Variants in TLE1 observed in about 807,000 individuals in gnomAD.
The protein encoded by TLE1 is transducin-like enhancer protein 1.
A neutral mutation model predicts 89.8 loss-of-function variants in TLE1; 21 were observed. That is an observed-to-expected ratio of 0.23 (90% CI 0.17 to 0.34). The LOEUF (loss-of-function observed/expected upper bound fraction) is 0.34. Ranked by LOEUF, TLE1 falls within the 10% of genes least tolerant of loss-of-function variation. TLE1 has a pLI of 1.00. For missense variants in TLE1, 795 were observed against 1,031.2 expected (o/e 0.77, Z 3.14); for synonymous variants, 447 against 407.6 (o/e 1.10, Z -1.16).
chr9:81,585,250 C>A (rs1828231105), intron 18 of TLE1, among the ~76,000 whole-genome samples: 1 of 152,148 alleles, frequency 6.6e-6, no homozygotes, highest in Admixed American at 6.5e-5. Context: ...TTGTCGTCTC[C>A]CAACCCCTCC....
rs1174638358 is a variant in TLE1 at position 81,666,036 on chromosome 9, C to T, written c.235-12000G>A. Among the ~76,000 whole-genome samples the T allele has an allele frequency of 2.6e-5, 4 of 152,256 alleles. No individual in the cohort carries two copies. The East Asian group carries it at 7.7e-4, about 29-fold the overall frequency. ...TTAATTTGTCATTTTGGTAAAGATG[C>T]ATCTTTGACAAAAGCATCACAGCTG... On this transcript the variant is annotated intron_variant, in intron 4 of 19. Coordinates refer to ENST00000376499, the MANE Select transcript of TLE1 (RefSeq NM_005077.5).
At chr9:81,615,666 C>T (rs1290282572) in intron 11 of TLE1, among the ~76,000 whole-genome samples, 4 of 146,470 alleles carry the variant, frequency 2.7e-5, no homozygotes, top group African/African-American at 1.0e-4. Context: ...TGAGCTGAGA[C>T]TGCACCACTG....
chr9:81,623,969 G>T (rs1312650282), intron 8 of TLE1, among the ~76,000 whole-genome samples: 1 of 152,040 alleles, frequency 6.6e-6, no homozygotes, highest in Non-Finnish European at 1.5e-5. Context: ...AGACAGAGGT[G>T]ATTTGCCTGA....
intron 5 of TLE1, among the ~76,000 whole-genome samples, chr9:81,653,715 A>G (rs542586409): frequency 2.0e-5 from 3 of 152,326 alleles, no homozygotes; most frequent in South Asian, 2.1e-4. Context: ...TGCTACTTAA[A>G]GCAAAAGCTG....
At position 81,687,895 on chromosome 9, in the gene TLE1, G is replaced by A. The variant is rs114809856; in HGVS notation, c.24+322C>T. ...GCATTGACATGTAAATAGGCGAGAGGAGAAACAAAGGGGGGGGCGCCCTGC... is the reference window on the plus strand; with the variant it reads ...GCATTGACATGTAAATAGGCGAGAGAAGAAACAAAGGGGGGGGCGCCCTGC... On this transcript the variant is annotated intron_variant, in intron 1 of 19. Coordinates refer to ENST00000376499, the MANE Select transcript of TLE1 (RefSeq NM_005077.5). 6.3e-3 allele frequency among the ~76,000 whole-genome samples: 962 copies of A among 152,214 alleles called. 10 individuals carry two copies. Among genetic ancestry groups the A allele is most frequent in the African/African-American group, 0.021 (893 of 41,566 alleles).
chr9:81,645,755 A>G (rs1828781134), intron 6 of TLE1, among the ~76,000 whole-genome samples: 1 of 82,430 alleles, frequency 1.2e-5, no homozygotes, highest in African/African-American at 4.3e-5. Context: ...AAAATAAAAT[A>G]AAATAAAATA....
intron 1 of TLE1, among the ~76,000 whole-genome samples, chr9:81,688,005 G>C (rs72749008): frequency 0.056 from 8,558 of 152,094 alleles, 361 homozygotes; most frequent in Non-Finnish European, 0.083. Context: ...CGGTATAGAC[G>C]TCAAGTAGGA....
chr9:81,661,945 G>A (rs919457229), intron 4 of TLE1, among the ~76,000 whole-genome samples: 4 of 152,156 alleles, frequency 2.6e-5, no homozygotes, highest in South Asian at 4.1e-4. Context: ...AATTGGTAGC[G>A]CTGTCTTGGA....
intron 4 of TLE1, among the ~76,000 whole-genome samples, chr9:81,683,695 G>A (rs1228249779): frequency 6.6e-6 from 1 of 152,092 alleles, no homozygotes; most frequent in Non-Finnish European, 1.5e-5. Flanking sequence ...AATTTCAGGA[G>A]GCTCAGTACC....
intron 14 of TLE1, among the ~76,000 whole-genome samples, chr9:81,594,054 A>G (rs1188943406): frequency 1.3e-5 from 2 of 152,046 alleles, no homozygotes; most frequent in African/African-American, 4.8e-5. Flanking sequence ...GGGGAGAGGG[A>G]TGGGGGATAT....
chr9:81,596,463 T>C (rs1266174677), intron 14 of TLE1, among the ~76,000 whole-genome samples: 3 of 152,048 alleles, frequency 2.0e-5, no homozygotes, highest in Non-Finnish European at 4.4e-5. Context: ...GGGAGGAAAT[T>C]ATTCACCTAC....
intron 4 of TLE1, among the ~76,000 whole-genome samples, chr9:81,667,222 G>A (rs118140921): frequency 0.018 from 2,796 of 152,124 alleles, 44 homozygotes; most frequent in Non-Finnish European, 0.028. Context: ...AGACCAGCCT[G>A]GCCAACATGG....
intron 17 of TLE1, 63 bp downstream of exon 17, chr9:81,587,618 G>A (rs1828705071): frequency 2.0e-6 from 3 of 1,524,012 alleles, no homozygotes; most frequent in Non-Finnish European, 2.6e-6. Context: ...GGAGGGTTGT[G>A]AGGAGGAAGA....
chr9:81,667,373 G>C (rs879900816), intron 4 of TLE1, among the ~76,000 whole-genome samples: 2 of 124,230 alleles, frequency 1.6e-5, no homozygotes, highest in African/African-American at 3.1e-5. Flanking sequence ...GGGAGACAGA[G>C]ACAGACTGTC....
intron 16 of TLE1, 81 bp from the exon 17 acceptor site, chr9:81,587,909 T>TGTGTGTGTGTGTGTGTGTCATCCCGC (rs1564104140): frequency 2.4e-5 from 17 of 720,290 alleles, no homozygotes; most frequent in African/African-American, 5.9e-5. Flanking sequence ...TTTTGGACCG[T>TGTGTGTGTGTGTGTGTGTCATCCCGC]GTGTGTGTGT....
At chr9:81,654,144 T>C in intron 4 of TLE1, 108 bp from the exon 5 acceptor site, 1 of 1,013,160 alleles carries the variant, frequency 9.9e-7, no homozygotes, top group Non-Finnish European at 1.5e-6. Context: ...GCTCTGGAAA[T>C]GTGTATAAAA....
chr9:81,633,245 T>A, intron 8 of TLE1, 103 bp downstream of exon 8: 1 of 1,577,964 alleles, frequency 6.3e-7, no homozygotes, highest in Non-Finnish European at 8.6e-7. Flanking sequence ...AGAGTGTGCA[T>A]GTCTGTCTGT....
chr9:81,607,908 T>C (rs1036392925), intron 14 of TLE1, among the ~76,000 whole-genome samples: 2 of 152,188 alleles, frequency 1.3e-5, no homozygotes, highest in African/African-American at 2.4e-5. Flanking sequence ...ATTCCTAGTG[T>C]AGACAAAAAC....
At chr9:81,678,117 C>G (rs1833133343) in intron 4 of TLE1, among the ~76,000 whole-genome samples, 1 of 152,102 alleles carries the variant, frequency 6.6e-6, no homozygotes, top group South Asian at 2.1e-4. Flanking sequence ...TTTTTTATAC[C>G]TACTATGAGA....
Sources: gnomAD v4.1 joint callset for allele counts (sites outside exome capture counted in the v4.1 genomes callset) on GRCh38, gnomAD v4.1.1 for gene constraint, MANE v1.5 for transcripts, NCBI Gene and HGNC (gene_info 2026-07-23, HGNC 2026-07-21) for gene names.